The following TPH2 variants were observed in gnomAD, a reference collection of about 807,000 sequenced individuals.
TPH2 encodes tryptophan hydroxylase 2, also known as tryptophan 5-hydroxylase 2.
TPH2 carries 27 observed loss-of-function variants against 59.1 expected under a neutral mutation model. The ratio of observed to expected loss-of-function variants is 0.46; its 90% CI spans 0.34 to 0.63. The LOEUF is 0.63. Among genes scored for constraint, TPH2 ranks in the 30% least tolerant of loss-of-function variants. TPH2 has a pLI of 0.01. For synonymous variants in TPH2, 220 were observed against 210.5 expected (o/e 1.05, Z -0.39); for missense variants, 523 against 588.3 (o/e 0.89, Z 1.15).
Position 71,994,494 on chromosome 12 carries a change from G to T in TPH2, c.997G>T (p.Ala333Ser), listed in dbSNP as rs1872647275. 1 of 1,613,986 alleles carries T rather than the reference G, an allele frequency of 6.2e-7. No individual in the cohort carries two copies. The highest frequency in any genetic ancestry group is 2.2e-5 in the East Asian group (1 of 44,872). The change falls in exon 8 of 11, where the codon GCT becomes TCT. Residue 333 changes from alanine to serine, a missense_variant. Transcript: ENST00000333850. ...HVPLLADPKF[A>S]QFSQEIGLAS... ...TCCACTACTTGCGGATCCTAAGTTT[G>T]CTCAGTTTTCACAAGAAATAGGTCT...
chr12:72,015,315 GTTT>G (rs869231666), intron 8 of TPH2, among the ~76,000 whole-genome samples: 26 of 98,968 alleles, frequency 2.6e-4, no homozygotes, highest in Non-Finnish European at 4.5e-4. Flanking sequence ...TTTTTTGGTT[GTTT>G]TTTTTTTTTT....
rs1411884003 is a variant in TPH2, at chr12:72,031,842, G to A, written c.*147G>A. ...TATCTATACCATCTTGTAACTCACTGTGTTAGTATATAAAGCACCATAAGA... is the reference window on the plus strand; with the variant it reads ...TATCTATACCATCTTGTAACTCACTATGTTAGTATATAAAGCACCATAAGA... On this transcript the variant is annotated 3_prime_UTR_variant, in exon 11 of 11. Transcript: ENST00000333850. 3 of 889,530 alleles carry A rather than the reference G, an allele frequency of 3.4e-6. No individual in the cohort carries two copies. Among genetic ancestry groups the A allele is most frequent in the Non-Finnish European group, 5.5e-6 (3 of 546,868 alleles). The allele number at this position is 889,530 out of a possible 1,614,324, so 55.1% of individuals were successfully genotyped here.
chr12:71,941,701 G>C lies in TPH2; in HGVS notation c.223G>C (p.Gly75Arg). 6.2e-7 allele frequency: 1 copy of C among 1,614,048 alleles called. No homozygotes were observed. Among genetic ancestry groups the C allele is most frequent in the East Asian group, 2.2e-5 (1 of 44,882 alleles). The change falls in exon 2 of 11, where the codon GGT (glycine) becomes CGT (arginine). Residue 75 changes from glycine to arginine, a missense_variant. Coordinates refer to ENST00000333850, the MANE Select transcript of TPH2 (RefSeq NM_173353.4). ...AVVFSLKNEV[G>R]GLVKALRLFQ... ...TGTTTTCTCCTTGAAGAATGAAGTTGGTGGATTGGTAAAAGCACTGAGGCT... is the reference window on the plus strand; with the variant it reads ...TGTTTTCTCCTTGAAGAATGAAGTTCGTGGATTGGTAAAAGCACTGAGGCT...
intron 8 of TPH2, among the ~76,000 whole-genome samples, chr12:71,995,325 A>G (rs1031420303): frequency 9.2e-5 from 14 of 152,298 alleles, no homozygotes; most frequent in African/African-American, 3.4e-4. Flanking sequence ...GAAGAGAAAA[A>G]GCAGTTTTAG....
At chr12:71,991,057 A>G (rs1872570085) in intron 7 of TPH2, among the ~76,000 whole-genome samples, 1 of 152,120 alleles carries the variant, frequency 6.6e-6, no homozygotes, top group South Asian at 2.1e-4. Flanking sequence ...TGTCATTGCA[A>G]TGGTATTAAA....
Position 72,031,378 on chromosome 12 carries a change from A to C in TPH2, c.1285A>C (p.Lys429Gln). 1.2e-6 allele frequency: 2 copies of C among 1,613,728 alleles called. No individual in the cohort carries two copies. Among genetic ancestry groups the C allele is most frequent in the Non-Finnish European group, 1.7e-6 (2 of 1,179,644 alleles). ...YFVSESFEEA[K>Q]EKMRDFAKSI... ...TGTTTCAGAAAGTTTTGAAGAAGCC[A>C]AAGAAAAGATGAGGTAAACTTTTTT... Residue 429 changes from lysine (K) to glutamine (Q), a missense_variant, in exon 10 of 11, where the codon AAA (lysine) becomes CAA (glutamine). By Grantham distance (53) the Lys-to-Gln change is moderately conservative. Transcript: ENST00000333850.
chr12:71,950,318 G>A (rs1871310145), intron 5 of TPH2, among the ~76,000 whole-genome samples: 1 of 152,128 alleles, frequency 6.6e-6, no homozygotes, highest in Non-Finnish European at 1.5e-5. Flanking sequence ...GGTGCAGGTG[G>A]GCTGAGTCCG....
At chr12:71,983,634 G>T (rs1342872007) in intron 7 of TPH2, among the ~76,000 whole-genome samples, 12 of 152,142 alleles carry the variant, frequency 7.9e-5, no homozygotes, top group Non-Finnish European at 1.8e-4. Flanking sequence ...TTAGAACAGG[G>T]TTACTTGCAG....
intron 6 of TPH2, among the ~76,000 whole-genome samples, chr12:71,974,351 A>C (rs1486656448): frequency 1.3e-5 from 2 of 152,150 alleles, no homozygotes; most frequent in Non-Finnish European, 2.9e-5. Context: ...AAGAAGTCTA[A>C]AATCAGGGTG....
intron 5 of TPH2, among the ~76,000 whole-genome samples, chr12:71,961,153 T>C (rs1871670999): frequency 6.6e-6 from 1 of 152,198 alleles, no homozygotes; most frequent in African/African-American, 2.4e-5. Flanking sequence ...GAGTGGGGTC[T>C]CTAGAGCTAG....
intron 5 of TPH2, chr12:71,962,546 G>A (rs1278540705): frequency 1.0e-6 from 1 of 985,252 alleles, no homozygotes; most frequent in Non-Finnish European, 1.2e-6. Context: ...CTACCAGAAA[G>A]TTTGTTACAA....
chr12:71,977,866 A>G (rs978479857), intron 6 of TPH2, among the ~76,000 whole-genome samples: 2 of 152,232 alleles, frequency 1.3e-5, no homozygotes, highest in Non-Finnish European at 2.9e-5. Context: ...TAAAGCAGCC[A>G]TTTAAAAATA....
Position 71,963,541 on chromosome 12 carries a change from T to C in TPH2, c.609-8978T>C, listed in dbSNP as rs1458611579. Among the ~76,000 whole-genome samples, 16 of 49,420 alleles carry C rather than the reference T, an allele frequency of 3.2e-4. 6 individuals carry two copies. The highest frequency in any genetic ancestry group is 9.2e-4 in the African/African-American group (16 of 17,472). The allele number at this position is 49,420 out of a possible 152,430, so 32.4% of individuals were successfully genotyped here. ...AAATCTGCTTAGTGGCTGGATACTTTGGCTCACACCTGTAATCCCAGCTCT... is the reference window on the plus strand; with the variant it reads ...AAATCTGCTTAGTGGCTGGATACTTCGGCTCACACCTGTAATCCCAGCTCT... On this transcript the variant is annotated intron_variant, in intron 5 of 10. Coordinates refer to ENST00000333850, the MANE Select transcript of TPH2 (RefSeq NM_173353.4).
chr12:72,030,321 C>G (rs1228146827), intron 9 of TPH2, among the ~76,000 whole-genome samples: 2 of 152,112 alleles, frequency 1.3e-5, no homozygotes, highest in African/African-American at 4.8e-5. Flanking sequence ...TCATCCAGAC[C>G]TGCCAAATGA....
chr12:72,004,717 CA>C (rs1304517893), intron 8 of TPH2, among the ~76,000 whole-genome samples: 1 of 152,050 alleles, frequency 6.6e-6, no homozygotes. Context: ...CCATTTCTAG[CA>C]AAAGCAGAAA....
At chr12:71,980,261 A>G (rs1421356045) in intron 7 of TPH2, among the ~76,000 whole-genome samples, 1 of 152,042 alleles carries the variant, frequency 6.6e-6, no homozygotes, top group Non-Finnish European at 1.5e-5. Context: ...ATCTTACCCC[A>G]CTGTTCTTCA....
intron 2 of TPH2, among the ~76,000 whole-genome samples, chr12:71,942,242 T>C (rs1241634529): frequency 6.6e-6 from 1 of 152,160 alleles, no homozygotes; most frequent in Non-Finnish European, 1.5e-5. Flanking sequence ...TTATATATTG[T>C]TGGGGTAGCT....
chr12:72,008,837 GA>G (rs1025148332), intron 8 of TPH2, among the ~76,000 whole-genome samples: 10 of 152,198 alleles, frequency 6.6e-5, no homozygotes, highest in African/African-American at 2.2e-4. Flanking sequence ...TTGTCCTGGA[GA>G]GCCAATTTGT....
At chr12:71,995,903 C>A (rs1174985413) in intron 8 of TPH2, among the ~76,000 whole-genome samples, 1 of 152,192 alleles carries the variant, frequency 6.6e-6, no homozygotes, top group Non-Finnish European at 1.5e-5. Context: ...GAATCTAGAT[C>A]TTGGCTTCCA....
Sources: gnomAD v4.1 joint callset for allele counts (sites outside exome capture counted in the v4.1 genomes callset) on GRCh38, gnomAD v4.1.1 for gene constraint, MANE v1.5 for transcripts, NCBI Gene and HGNC (gene_info 2026-07-23, HGNC 2026-07-21) for gene names.